Variants in SOCS2 observed in about 807,000 individuals in gnomAD.
SOCS2 encodes the protein CIS-2.
Under a neutral mutation model 18.6 loss-of-function variants are expected in SOCS2, and 10 were observed. That is an observed-to-expected ratio of 0.54 (90% CI 0.33 to 0.91). The LOEUF (loss-of-function observed/expected upper bound fraction) is 0.91, where lower values mean the gene tolerates loss of function less well. Ranked by LOEUF, SOCS2 falls within the 40% of genes least tolerant of loss-of-function variation. The probability of loss-of-function intolerance (pLI) is 0.02; values close to 1 mark genes in which losing one functional copy is unlikely to be tolerated. For missense variants in SOCS2, 231 were observed against 247.2 expected (o/e 0.93, Z 0.44); for synonymous variants, 104 against 104.0 (o/e 1.00, Z 0.00).
chr12:93,624,327 C>T, the SOCS2 span, among the ~76,000 whole-genome samples: 1 of 152,204 alleles, frequency 6.6e-6, no homozygotes, highest in African/African-American at 2.4e-5. Context: ...AATCCCAGCA[C>T]TCTGGGAGGC....
chr12:93,619,315 C>G, the SOCS2 span, among the ~76,000 whole-genome samples: 3 of 152,144 alleles, frequency 2.0e-5, no homozygotes, highest in Non-Finnish European at 4.4e-5. Context: ...AGCAAGAGAG[C>G]CTTACACAGT....
downstream of SOCS2, among the ~76,000 whole-genome samples, chr12:93,579,165 A>T (rs1205740590): frequency 6.6e-6 from 1 of 152,162 alleles, no homozygotes; most frequent in Non-Finnish European, 1.5e-5. Flanking sequence ...TCCCATCCTT[A>T]CCAGCAGGAC....
chr12:93,571,853 C>A (rs1565837547), upstream of SOCS2: 1 of 430,552 alleles, frequency 2.3e-6, no homozygotes, highest in Admixed American at 2.5e-5. Flanking sequence ...CCCCCCGCCC[C>A]ATGTCCGCTG....
the SOCS2 span, among the ~76,000 whole-genome samples, chr12:93,612,769 G>A: frequency 0.015 from 2,311 of 152,286 alleles, 68 homozygotes; most frequent in African/African-American, 0.053. Context: ...ATCAATGGTG[G>A]TAGTATCATT....
the SOCS2 span, among the ~76,000 whole-genome samples, chr12:93,605,138 A>G: frequency 6.6e-6 from 1 of 152,118 alleles, no homozygotes; most frequent in Non-Finnish European, 1.5e-5. Flanking sequence ...TTTATAATGT[A>G]TTTCAAATAT....
chr12:93,602,094 ATTTG>A, the SOCS2 span, among the ~76,000 whole-genome samples: 5 of 152,120 alleles, frequency 3.3e-5, no homozygotes, highest in African/African-American at 1.2e-4. Flanking sequence ...AGTCCTTAGT[ATTTG>A]TTTGTTTTTT....
chr12:93,624,838 C>G, the SOCS2 span, among the ~76,000 whole-genome samples: 1 of 152,154 alleles, frequency 6.6e-6, no homozygotes, highest in African/African-American at 2.4e-5. Flanking sequence ...TGATTTCATA[C>G]TAAAGATAGA....
At chr12:93,585,914 C>A (rs933180510), downstream of SOCS2, among the ~76,000 whole-genome samples, 2 of 152,194 alleles carry the variant, frequency 1.3e-5, no homozygotes, top group Non-Finnish European at 2.9e-5. Context: ...GGCATACACC[C>A]TCACATATAC....
chr12:93,588,354 CTG>C (rs1194153086), downstream of SOCS2, among the ~76,000 whole-genome samples: 2 of 152,176 alleles, frequency 1.3e-5, no homozygotes, highest in Admixed American at 6.5e-5. Context: ...ACATATATAA[CTG>C]TGTGACAAAT....
chr12:93,591,447 G>GTCTC, the SOCS2 span, among the ~76,000 whole-genome samples: 1 of 152,200 alleles, frequency 6.6e-6, no homozygotes, highest in Non-Finnish European at 1.5e-5. Flanking sequence ...CTGTCTGTCT[G>GTCTC]TCTGCGGCAA....
the SOCS2 span, among the ~76,000 whole-genome samples, chr12:93,616,902 G>A: frequency 6.6e-6 from 1 of 152,104 alleles, no homozygotes; most frequent in Non-Finnish European, 1.5e-5. Context: ...AAACCTTTTG[G>A]TCTGGACCTG....
the SOCS2 span, among the ~76,000 whole-genome samples, chr12:93,603,256 T>TA: frequency 6.6e-6 from 1 of 152,232 alleles, no homozygotes; most frequent in East Asian, 1.9e-4. Context: ...CACTAACACT[T>TA]ACCTGGGGTC....
At chr12:93,591,980 C>T in the SOCS2 span, among the ~76,000 whole-genome samples, 4 of 152,092 alleles carry the variant, frequency 2.6e-5, no homozygotes, top group Non-Finnish European at 5.9e-5. Flanking sequence ...TAAATACAAC[C>T]TCTTCTTAGG....
downstream of SOCS2, among the ~76,000 whole-genome samples, chr12:93,585,334 C>T (rs1266197035): frequency 6.6e-6 from 1 of 152,112 alleles, no homozygotes; most frequent in Non-Finnish European, 1.5e-5. Flanking sequence ...TGCAGCACCT[C>T]CTCAAACAGC....
At chr12:93,622,098 A>G in the SOCS2 span, among the ~76,000 whole-genome samples, 1 of 152,152 alleles carries the variant, frequency 6.6e-6, no homozygotes, top group African/African-American at 2.4e-5. Flanking sequence ...AATTTTCTTT[A>G]GTTTGAGCCA....
the SOCS2 span, among the ~76,000 whole-genome samples, chr12:93,614,567 CT>C: frequency 6.4e-5 from 4 of 62,880 alleles, 1 homozygote; most frequent in African/African-American, 3.6e-4. Flanking sequence ...TTCTTTCTTT[CT>C]TTCTTTCTTT....
chr12:93,599,248 G>A, the SOCS2 span, among the ~76,000 whole-genome samples: 1 of 145,580 alleles, frequency 6.9e-6, no homozygotes, highest in Non-Finnish European at 1.5e-5. Context: ...TTCAAACTCA[G>A]GCTCAAGCAA....
At chr12:93,618,648 T>A in the SOCS2 span, among the ~76,000 whole-genome samples, 10 of 152,256 alleles carry the variant, frequency 6.6e-5, no homozygotes, top group Non-Finnish European at 1.5e-4. Flanking sequence ...GATCTTTGGA[T>A]TGCTGGCTCC....
the SOCS2 span, among the ~76,000 whole-genome samples, chr12:93,608,936 A>G: frequency 6.6e-6 from 1 of 152,206 alleles, no homozygotes; most frequent in African/African-American, 2.4e-5. Flanking sequence ...AAAAATACCT[A>G]CTTTCCAGGG....
Sources: gnomAD v4.1 joint callset for allele counts (sites outside exome capture counted in the v4.1 genomes callset) on GRCh38, gnomAD v4.1.1 for gene constraint, MANE v1.5 for transcripts, NCBI Gene and HGNC (gene_info 2026-07-23, HGNC 2026-07-21) for gene names.